SYT10: variants seen among roughly 807,000 people sequenced by gnomAD.
The protein encoded by SYT10 is synaptotagmin 10.
SYT10 carries 31 observed loss-of-function variants against 51.1 expected under a neutral mutation model. The observed-to-expected ratio is 0.61, with a 90% CI of 0.46 to 0.82. The LOEUF (loss-of-function observed/expected upper bound fraction) is 0.82. Among genes scored for constraint, SYT10 ranks in the 40% least tolerant of loss-of-function variants. The pLI is 0.00. For synonymous variants in SYT10, 233 were observed against 225.9 expected (o/e 1.03, Z -0.28); for missense variants, 603 against 634.0 (o/e 0.95, Z 0.53).
intron 1 of SYT10, among the ~76,000 whole-genome samples, chr12:33,439,139 G>A (rs1866662187): frequency 1.3e-5 from 2 of 152,250 alleles, no homozygotes; most frequent in South Asian, 4.1e-4. Flanking sequence ...CGGGAGGCGG[G>A]AAGCGGACCA....
intron 2 of SYT10, among the ~76,000 whole-genome samples, chr12:33,420,732 C>T (rs116565421): frequency 0.011 from 1,633 of 152,276 alleles, 34 homozygotes; most frequent in African/African-American, 0.035. Context: ...AGAAAACAAA[C>T]TTCAAATTTC....
In SYT10 at chr12:33,428,679, G is replaced by A. The variant is rs559807927; in HGVS notation, c.152-2184C>T. ...CCCAGCACTTTGGGAGGCTGAGACG[G>A]GCGGATCACGAGGTCAGAAGATCGA... On this transcript the variant is annotated intron_variant, in intron 1 of 6. Transcript: ENST00000228567. Among the ~76,000 whole-genome samples, 273 of 152,276 alleles carry A rather than the reference G, an allele frequency of 1.8e-3. 1 individual carries two copies. The highest frequency in any genetic ancestry group is 0.014 in the Middle Eastern group (4 of 294).
At chr12:33,429,354 A>G (rs1866578961) in intron 1 of SYT10, among the ~76,000 whole-genome samples, 1 of 152,226 alleles carries the variant, frequency 6.6e-6, no homozygotes, top group Admixed American at 6.5e-5. Context: ...ATATTTGGGA[A>G]TAGTTTGGGA....
At chr12:33,377,388 G>C (rs922931067) in intron 6 of SYT10, among the ~76,000 whole-genome samples, 1 of 151,380 alleles carries the variant, frequency 6.6e-6, no homozygotes, top group Non-Finnish European at 1.5e-5. Flanking sequence ...GGCCAGGCTG[G>C]TTTACTTTAG....
chr12:33,377,536 A>C (rs1330367924), intron 6 of SYT10, among the ~76,000 whole-genome samples: 2 of 152,184 alleles, frequency 1.3e-5, no homozygotes, highest in Non-Finnish European at 2.9e-5. Flanking sequence ...ACTTTCTCAC[A>C]ATCCTTAAAT....
intron 2 of SYT10, among the ~76,000 whole-genome samples, chr12:33,424,817 T>G (rs557640422): frequency 6.6e-6 from 1 of 151,868 alleles, no homozygotes; most frequent in Non-Finnish European, 1.5e-5. Context: ...AGATCATAAA[T>G]AAGAAAATTT....
intron 1 of SYT10, among the ~76,000 whole-genome samples, chr12:33,428,256 A>C (rs979282506): frequency 6.6e-6 from 1 of 152,250 alleles, no homozygotes; most frequent in African/African-American, 2.4e-5. Context: ...CATAAATGCA[A>C]CTTAAATAAA....
chr12:33,423,958 G>C, intron 2 of SYT10: 1 of 455,912 alleles, frequency 2.2e-6, no homozygotes, highest in Non-Finnish European at 4.4e-6. Context: ...TTGGCATAGT[G>C]ACAAAATTGC....
In SYT10 at chr12:33,419,077, A is replaced by C. The variant is rs1866478611; in HGVS notation, c.509+7061T>G. 2.0e-5 allele frequency among the ~76,000 whole-genome samples: 3 copies of C among 151,170 alleles called. No individual in the cohort carries two copies. In the South Asian group the frequency reaches 6.4e-4, roughly 32 times the overall value. ...TCCTCTACATAAAAAGCCCTCCCAG[A>C]CTCCTCAAGGCCCACCTCTCTACCA... On this transcript the variant is annotated intron_variant, in intron 2 of 6. Transcript: ENST00000228567.
At chr12:33,392,012 G>A (rs1400794271) in intron 3 of SYT10, among the ~76,000 whole-genome samples, 1 of 152,168 alleles carries the variant, frequency 6.6e-6, no homozygotes, top group Non-Finnish European at 1.5e-5. Context: ...GCTTGCCCAC[G>A]TAAGATGACC....
At chr12:33,434,666 G>T (rs1157822371) in intron 1 of SYT10, among the ~76,000 whole-genome samples, 1 of 152,106 alleles carries the variant, frequency 6.6e-6, no homozygotes, top group East Asian at 1.9e-4. Context: ...TTAGCTGGGC[G>T]TGGTGGCACA....
intron 2 of SYT10, among the ~76,000 whole-genome samples, chr12:33,414,342 C>T (rs536334151): frequency 6.6e-6 from 1 of 152,330 alleles, no homozygotes; most frequent in South Asian, 2.1e-4. Context: ...ACCTAATAGA[C>T]ATCTACAGAA....
intron 1 of SYT10, among the ~76,000 whole-genome samples, chr12:33,429,368 T>C (rs746597984): frequency 1.1e-4 from 16 of 152,200 alleles, no homozygotes; most frequent in Non-Finnish European, 2.1e-4. Flanking sequence ...TTTGGGATAT[T>C]TGAAGAGCAT....
intron 1 of SYT10, among the ~76,000 whole-genome samples, chr12:33,436,030 G>A (rs966652048): frequency 7.2e-5 from 11 of 152,146 alleles, no homozygotes; most frequent in Non-Finnish European, 1.2e-4. Flanking sequence ...TTTAAATTAA[G>A]CTTAGAGCTA....
intron 3 of SYT10, chr12:33,405,544 A>G (rs1266113635): frequency 6.6e-6 from 1 of 152,106 alleles, no homozygotes; most frequent in Non-Finnish European, 1.5e-5. Flanking sequence ...ATTTATCCAC[A>G]TAATTTACAA....
intron 1 of SYT10, among the ~76,000 whole-genome samples, chr12:33,428,425 A>G (rs1416952439): frequency 6.6e-6 from 1 of 152,238 alleles, no homozygotes; most frequent in Non-Finnish European, 1.5e-5. Flanking sequence ...GATATGCAAA[A>G]AAATCAGGTC....
chr12:33,430,633 T>C (rs1054139444), intron 1 of SYT10, among the ~76,000 whole-genome samples: 2 of 152,128 alleles, frequency 1.3e-5, no homozygotes, highest in Non-Finnish European at 2.9e-5. Flanking sequence ...TTTTTAATTT[T>C]TCAAAATGTA....
chr12:33,396,687 C>CTTT (rs1386693501), intron 3 of SYT10, among the ~76,000 whole-genome samples: 2 of 142,740 alleles, frequency 1.4e-5, no homozygotes. Context: ...TGGAATTCCA[C>CTTT]TTTTTTTTTT....
intron 3 of SYT10, among the ~76,000 whole-genome samples, chr12:33,391,252 A>T (rs1279041399): frequency 3.4e-5 from 5 of 147,410 alleles, no homozygotes; most frequent in Admixed American, 2.3e-4. Flanking sequence ...ATTTTATTTT[A>T]TTTTTTTTTA....
Sources: gnomAD v4.1 joint callset for allele counts (sites outside exome capture counted in the v4.1 genomes callset) on GRCh38, gnomAD v4.1.1 for gene constraint, MANE v1.5 for transcripts, NCBI Gene and HGNC (gene_info 2026-07-23, HGNC 2026-07-21) for gene names.